RXRG: variants seen among roughly 807,000 people sequenced by gnomAD.
RXRG encodes the protein retinoic acid receptor RXR-gamma.
A neutral mutation model predicts 49.2 loss-of-function variants in RXRG; 19 were observed. The observed-to-expected ratio is 0.39, with a 90% CI of 0.27 to 0.57. The LOEUF (loss-of-function observed/expected upper bound fraction) is 0.57, where lower values mean the gene tolerates loss of function less well. RXRG is among the 20% of genes least tolerant of loss of function. The pLI, the probability that RXRG is intolerant of heterozygous loss-of-function variation, is 0.64. For synonymous variants in RXRG, 224 were observed against 216.6 expected (o/e 1.03, Z -0.30); for missense variants, 452 against 592.5 (o/e 0.76, Z 2.46).
intron 2 of RXRG, among the ~76,000 whole-genome samples, chr1:165,420,400 G>A (rs1658273823): frequency 6.6e-6 from 1 of 152,190 alleles, no homozygotes; most frequent in African/African-American, 2.4e-5. Context: ...CGTGCTGCAA[G>A]AGGAACTACG....
chr1:165,439,954 G>A (rs1658929480), intron 1 of RXRG, among the ~76,000 whole-genome samples: 1 of 152,192 alleles, frequency 6.6e-6, no homozygotes, highest in Non-Finnish European at 1.5e-5. Context: ...GAAAGAGGAG[G>A]GAGAAGAAGA....
At chr1:165,433,937 G>A (rs1198376223) in intron 1 of RXRG, among the ~76,000 whole-genome samples, 2 of 152,178 alleles carry the variant, frequency 1.3e-5, no homozygotes, top group African/African-American at 4.8e-5. Flanking sequence ...AAGTCCCTGT[G>A]TGCATTGATG....
intron 2 of RXRG, among the ~76,000 whole-genome samples, chr1:165,425,867 C>T (rs559006225): frequency 2.6e-5 from 4 of 152,226 alleles, no homozygotes; most frequent in East Asian, 1.9e-4. Context: ...CAAGATTACC[C>T]GGGAGCACTG....
chr1:165,444,474 A>G (rs779425137), intron 1 of RXRG, among the ~76,000 whole-genome samples: 6 of 152,230 alleles, frequency 3.9e-5, no homozygotes, highest in Non-Finnish European at 8.8e-5. Context: ...GCTAATAGGA[A>G]CATCATAGTA....
chr1:165,414,591 T>C (rs1658068925), intron 4 of RXRG, among the ~76,000 whole-genome samples: 1 of 152,224 alleles, frequency 6.6e-6, no homozygotes, highest in Non-Finnish European at 1.5e-5. Flanking sequence ...TGGAAACTTA[T>C]CTCAAGTGTT....
chr1:165,440,963 T>C (rs1658965674), intron 1 of RXRG, among the ~76,000 whole-genome samples: 1 of 152,264 alleles, frequency 6.6e-6, no homozygotes. Flanking sequence ...CATAAACAGT[T>C]ACTCCTTTCC....
chr1:165,414,903 T>G (rs553898998), intron 4 of RXRG, among the ~76,000 whole-genome samples: 39 of 152,360 alleles, frequency 2.6e-4, no homozygotes, highest in African/African-American at 9.4e-4. Context: ...CTAAAACTTC[T>G]GATTTCAGCA....
chr1:165,436,087 C>T (rs967616359), intron 1 of RXRG, among the ~76,000 whole-genome samples: 1 of 152,232 alleles, frequency 6.6e-6, no homozygotes, highest in African/African-American at 2.4e-5. Flanking sequence ...CTCCACACTG[C>T]TCTTCCTCCA....
chr1:165,403,913 A>G (rs1173811015), intron 9 of RXRG, among the ~76,000 whole-genome samples: 1 of 152,238 alleles, frequency 6.6e-6, no homozygotes, highest in Non-Finnish European at 1.5e-5. Flanking sequence ...TTCCTCACCC[A>G]CAGGTTAGCA....
At chr1:165,424,161 G>A (rs1048493055) in intron 2 of RXRG, among the ~76,000 whole-genome samples, 5 of 152,138 alleles carry the variant, frequency 3.3e-5, no homozygotes, top group Non-Finnish European at 5.9e-5. Context: ...TATCTACAAA[G>A]TACATAAATA....
At chr1:165,427,404 GT>G (rs1658520528) in intron 2 of RXRG, among the ~76,000 whole-genome samples, 1 of 6,540 alleles carries the variant, frequency 1.5e-4, no homozygotes, top group Non-Finnish European at 3.6e-4. Context: ...TCTGTCATAT[GT>G]TTTGTTTTGT....
chr1:165,419,957 G>T lies in RXRG; in HGVS notation c.355C>A (p.Pro119Thr). The change falls in exon 3 of 10, where the codon CCC (proline) becomes ACC (threonine). Residue 119 changes from proline (P) to threonine (T), a missense_variant. Around this residue, in one of 2 missense-constraint regions of RXRG, gnomAD observed 166 missense variants for 151.7 expected, o/e 1.09. Coordinates refer to ENST00000359842, the MANE Select transcript of RXRG (RefSeq NM_006917.5). ...SEDIKPLPGL[P>T]GIGNMNYPST... ...GGGTAGTTCATGTTTCCAATCCCGGGAAGCCCTGGTAAGGGCTTGATGTCC... is the reference window on the plus strand; with the variant it reads ...GGGTAGTTCATGTTTCCAATCCCGGTAAGCCCTGGTAAGGGCTTGATGTCC... 16 of 1,613,370 alleles carry T rather than the reference G, an allele frequency of 9.9e-6. No individual in the cohort carries two copies. The highest frequency in any genetic ancestry group is 1.4e-5 in the Non-Finnish European group (16 of 1,179,566).
intron 4 of RXRG, 61 bp downstream of exon 4, chr1:165,416,980 G>T (rs962209138): frequency 1.3e-6 from 2 of 1,504,634 alleles, no homozygotes; most frequent in Non-Finnish European, 1.8e-6. Flanking sequence ...GCAGTTGAAT[G>T]TCCCCTTGCC....
intron 1 of RXRG, among the ~76,000 whole-genome samples, chr1:165,441,200 G>T (rs1658972440): frequency 6.6e-6 from 1 of 152,226 alleles, no homozygotes; most frequent in South Asian, 2.1e-4. Context: ...TGTACCCAAG[G>T]GAAGCCACCA....
At chr1:165,441,275 C>T (rs529676027) in intron 1 of RXRG, among the ~76,000 whole-genome samples, 50 of 152,362 alleles carry the variant, frequency 3.3e-4, no homozygotes, top group African/African-American at 1.2e-3. Context: ...AATGGCCAGT[C>T]CACTGGGTCT....
At chr1:165,426,369 T>A (rs1658486772) in intron 2 of RXRG, among the ~76,000 whole-genome samples, 1 of 152,166 alleles carries the variant, frequency 6.6e-6, no homozygotes, top group Non-Finnish European at 1.5e-5. Flanking sequence ...CTCTCCACAG[T>A]CCACACCTGC....
Position 165,428,758 on chromosome 1 carries a change from C to A in RXRG, c.258G>T (p.Ala86=). ...AMGPPSGALA[A]PPGINLVAPP... ...GGGCAACCAAGTTGATTCCTGGAGG[C>A]GCTGCAAGTGCTCCTGAGGGTGGGC... Residue 86 remains alanine, a synonymous_variant, in exon 2 of 10, where the codon GCG becomes GCT. Coordinates refer to ENST00000359842, the MANE Select transcript of RXRG (RefSeq NM_006917.5). 1 of 1,605,400 alleles carries A rather than the reference C, an allele frequency of 6.2e-7. No homozygotes were observed. Among genetic ancestry groups the A allele is most frequent in the Non-Finnish European group, 8.5e-7 (1 of 1,173,274 alleles).
Position 165,406,807 on chromosome 1 carries a change from C to T in RXRG, c.1244+5G>A. On this transcript the variant is annotated splice_donor_5th_base_variant and intron_variant, in intron 9 of 9. Coordinates refer to ENST00000359842, the MANE Select transcript of RXRG (RefSeq NM_006917.5). ...GTTACTACGATTCTGCCAGCACTGT[C>T]TCACCTGCCTGGCTGTTCCGGATAC... 6.2e-7 allele frequency: 1 copy of T among 1,610,328 alleles called. No homozygotes were observed. The highest frequency in any genetic ancestry group is 8.5e-7 in the Non-Finnish European group (1 of 1,176,748).
intron 4 of RXRG, among the ~76,000 whole-genome samples, chr1:165,414,911 G>A (rs1658079360): frequency 6.6e-6 from 1 of 152,188 alleles, no homozygotes; most frequent in Admixed American, 6.5e-5. Context: ...TCTGATTTCA[G>A]CATTCAGTTT....
Sources: allele counts gnomAD v4.1 joint callset (sites outside exome capture counted in the v4.1 genomes callset), GRCh38; gene constraint gnomAD v4.1.1; regional missense constraint gnomAD v4.1.1; transcripts MANE v1.5; gene names NCBI Gene and HGNC (gene_info 2026-07-23, HGNC 2026-07-21).